The following ANKRD13A variants were observed in gnomAD, a reference collection of about 807,000 sequenced individuals.
ANKRD13A encodes ankyrin repeat domain 13A.
ANKRD13A carries 48 observed loss-of-function variants against 81.3 expected under a neutral mutation model. The observed-to-expected ratio is 0.59, with a 90% CI of 0.47 to 0.75. ANKRD13A has a LOEUF of 0.75. ANKRD13A is among the 30% of genes least tolerant of loss of function. ANKRD13A has a pLI of 0.00. For missense variants in ANKRD13A, 612 were observed against 734.0 expected, an observed-to-expected ratio of 0.83 and a Z score of 1.92; for synonymous variants, 230 against 270.1, an observed-to-expected ratio of 0.85 and a Z score of 1.45.
chr12:110,004,196 A>C (rs1380352147), intron 1 of ANKRD13A, among the ~76,000 whole-genome samples: 1 of 152,146 alleles, frequency 6.6e-6, no homozygotes, highest in Non-Finnish European at 1.5e-5. Flanking sequence ...TTTGAGCAAG[A>C]AAAGTGGATG....
At chr12:110,032,684 T>A (rs1179396793) in intron 12 of ANKRD13A, 2 of 152,222 alleles carry the variant, frequency 1.3e-5, no homozygotes, top group African/African-American at 4.8e-5. Flanking sequence ...AGCAGAAACC[T>A]GGAAACGACC....
At chr12:110,020,493 C>T (rs754866530) in intron 6 of ANKRD13A, among the ~76,000 whole-genome samples, 22 of 152,226 alleles carry the variant, frequency 1.4e-4, no homozygotes, top group Non-Finnish European at 2.8e-4. Flanking sequence ...AGGGCTGCTG[C>T]TAGGGCAGGA....
chr12:110,029,455 C>CT (rs778371129), intron 10 of ANKRD13A, 23 bp from the exon 11 acceptor site: 6 of 1,601,114 alleles, frequency 3.7e-6, no homozygotes, highest in Non-Finnish European at 1.7e-6. Flanking sequence ...TGACCTCAGT[C>CT]TTTTCTTGGT....
chr12:109,999,571 G>A lies in ANKRD13A; in HGVS notation c.-118G>A. The A allele has an allele frequency of 1.3e-6, 1 of 749,724 alleles. No individual in the cohort carries two copies. The highest frequency in any genetic ancestry group is 1.9e-6 in the Non-Finnish European group (1 of 535,778). 46.4% of individuals were successfully genotyped at this position (749,724 alleles called of 1,614,324 possible). On this transcript the variant is annotated 5_prime_UTR_variant, in exon 1 of 15. Transcript: ENST00000261739. The surrounding 1 kb of genome is among the most constrained non-coding windows in gnomAD (Gnocchi z 4.3). The stretch of plus-strand genomic sequence containing the variant: ...CCGACCGGCTCAGCCGGCCGGCAGC[G>A]TAACACGCCCTACGCTCGCTTGCTC...
At chr12:110,012,233 T>G (rs1410280787) in intron 2 of ANKRD13A, 96 bp downstream of exon 2, 1 of 1,391,502 alleles carries the variant, frequency 7.2e-7, no homozygotes, top group African/African-American at 1.4e-5. Flanking sequence ...GGTGCGGTGG[T>G]GCATGTCTGT....
intron 1 of ANKRD13A, among the ~76,000 whole-genome samples, chr12:110,010,703 C>T (rs1008305055): frequency 2.0e-5 from 3 of 152,202 alleles, no homozygotes; most frequent in African/African-American, 7.2e-5. Context: ...ATGTCTTCAA[C>T]CACGTCCCTT....
rs1488166174 is a variant in ANKRD13A at position 110,028,619 on chromosome 12, A to G, written c.1053A>G (p.Lys351=). The G allele has an allele frequency of 6.2e-7, 1 of 1,614,250 alleles. No individual in the cohort carries two copies. The highest frequency in any genetic ancestry group is 8.5e-7 in the Non-Finnish European group (1 of 1,180,048). The stretch of plus-strand genomic sequence containing the variant: ...AAGACAGGGACATTGGAAGGCCGAA[A>G]GAGCTGACGATTAGAACACAGAAGT... ...DLKDRDIGRP[K]ELTIRTQKFK... Residue 351 remains lysine, a synonymous_variant, in exon 10 of 15, where the codon AAA becomes AAG. Transcript: ENST00000261739.
At chr12:110,014,623 C>A (rs1378825819) in intron 3 of ANKRD13A, among the ~76,000 whole-genome samples, 13 of 152,068 alleles carry the variant, frequency 8.5e-5, no homozygotes, top group Admixed American at 8.5e-4. Context: ...GCCTTTCTTA[C>A]CACCTGTTTC....
At position 110,016,713 on chromosome 12, in the gene ANKRD13A, A is replaced by G. The variant is rs61608023; in HGVS notation, c.400+280A>G. Among the ~76,000 whole-genome samples, 1,378 of 152,238 alleles carry G rather than the reference A, an allele frequency of 9.1e-3. 25 individuals are homozygous for G. The highest frequency in any genetic ancestry group is 0.032 in the African/African-American group (1,319 of 41,548). ...ATTTCATTTCCTCCTTTTGTCATTT[A>G]TAGCCGACATCTATATTATTAGTTT... On this transcript the variant is annotated intron_variant, in intron 4 of 14. Transcript: ENST00000261739.
chr12:110,028,418 G>T, intron 9 of ANKRD13A, 94 bp from the exon 10 acceptor site: 4 of 1,468,072 alleles, frequency 2.7e-6, no homozygotes, highest in Non-Finnish European at 3.7e-6. Flanking sequence ...GTCTTTAGCT[G>T]GTTAACACGT....
intron 5 of ANKRD13A, 30 bp from the exon 6 acceptor site, chr12:110,019,109 A>G (rs370743235): frequency 6.5e-7 from 1 of 1,543,588 alleles, no homozygotes; most frequent in African/African-American, 1.4e-5. Context: ...CCTACTTTGC[A>G]CTTAGTTATG....
chr12:110,011,684 G>A (rs1334917123), intron 1 of ANKRD13A, among the ~76,000 whole-genome samples: 2 of 152,168 alleles, frequency 1.3e-5, no homozygotes, highest in Non-Finnish European at 2.9e-5. Context: ...TTTCATGAAA[G>A]CTCCTGGCCT....
chr12:110,005,004 T>A (rs899084091), intron 1 of ANKRD13A, among the ~76,000 whole-genome samples: 2 of 131,978 alleles, frequency 1.5e-5, no homozygotes, highest in Non-Finnish European at 3.0e-5. Flanking sequence ...ATATACAGAT[T>A]GATTTTTTCA....
intron 13 of ANKRD13A, among the ~76,000 whole-genome samples, chr12:110,034,917 G>A (rs929966309): frequency 6.6e-6 from 1 of 152,186 alleles, no homozygotes; most frequent in Non-Finnish European, 1.5e-5. Context: ...GCCCTCACAG[G>A]GCTGCTGCTT....
At position 109,999,772 on chromosome 12, in the gene ANKRD13A, G is replaced by C. The variant is rs1284858671; in HGVS notation, c.84G>C (p.Glu28Asp). 6.5e-7 allele frequency: 1 copy of C among 1,532,794 alleles called. No individual in the cohort carries two copies. Among genetic ancestry groups the C allele is most frequent in the East Asian group, 2.6e-5 (1 of 38,774 alleles). 94.9% of individuals were successfully genotyped at this position (1,532,794 alleles called of 1,614,324 possible). Residue 28 changes from glutamate (E) to aspartate (D), a missense_variant, in exon 1 of 15, where the codon GAG becomes GAC. Coordinates refer to ENST00000261739, the MANE Select transcript of ANKRD13A (RefSeq NM_033121.2). The surrounding 1 kb of genome is among the most constrained non-coding windows in gnomAD (Gnocchi z 4.3). ...ACGACTACCGGCAGCTCGAGAAGGA[G>C]CTGCAGGGCCAGGTGAGGGGCGGGG... ...WKNDYRQLEK[E>D]LQGQNVEAVD...
chr12:110,012,906 G>T (rs748172741), intron 2 of ANKRD13A, among the ~76,000 whole-genome samples: 1 of 152,120 alleles, frequency 6.6e-6, no homozygotes, highest in African/African-American at 2.4e-5. Context: ...AATAGGGGTC[G>T]GGAGAGGTGG....
At position 110,030,652 on chromosome 12, in the gene ANKRD13A, C is replaced by A; in HGVS notation, c.1242C>A (p.Pro414=). The change falls in exon 12 of 15, where the codon CCC becomes CCA. Residue 414 remains proline (P), a synonymous_variant. Coordinates refer to ENST00000261739, the MANE Select transcript of ANKRD13A (RefSeq NM_033121.2). ...PPGFPVKIEI[P]LFHVLNARIT... is the part of the protein sequence containing the mutation. ...TTTTATTTTGTTTGTTAGAAATTCC[C>A]TTGTTTCATGTCTTAAATGCACGGA... The A allele has an allele frequency of 1.3e-6, 2 of 1,588,318 alleles. No individual in the cohort carries two copies. The highest frequency in any genetic ancestry group is 1.2e-5 in the South Asian group (1 of 86,340).
intron 1 of ANKRD13A, among the ~76,000 whole-genome samples, chr12:110,010,146 C>G (rs982007044): frequency 2.6e-5 from 4 of 152,234 alleles, no homozygotes; most frequent in African/African-American, 9.6e-5. Context: ...GGATTACAGG[C>G]ATGAGCCACC....
At position 110,024,069 on chromosome 12, in the gene ANKRD13A, G is replaced by T. The variant is rs1201055621; in HGVS notation, c.758G>T (p.Trp253Leu). 6.2e-7 allele frequency: 1 copy of T among 1,613,170 alleles called. No individual in the cohort carries two copies. Among genetic ancestry groups the T allele is most frequent in the East Asian group, 2.2e-5 (1 of 44,866 alleles). ...AGAACTAAATCCGGATTCTGGGGCTGGAGGACAGATAAAGCAGAAGTTGTT... is the reference window on the plus strand; with the variant it reads ...AGAACTAAATCCGGATTCTGGGGCTTGAGGACAGATAAAGCAGAAGTTGTT... Reference protein sequence around the residue: ...FERTKSGFWGWRTDKAEVVNG... With the variant: ...FERTKSGFWGLRTDKAEVVNG... The change falls in exon 7 of 15, where the codon TGG (tryptophan) becomes TTG (leucine). Residue 253 changes from tryptophan to leucine, a missense_variant. Physicochemically the swap from Trp to Leu is moderately conservative, Grantham distance 61. Transcript: ENST00000261739.
Sources: gnomAD v4.1 joint callset for allele counts (sites outside exome capture counted in the v4.1 genomes callset) on GRCh38, gnomAD v4.1.1 for gene constraint, Gnocchi (gnomAD v3.1) non-coding constraint, MANE v1.5 for transcripts, NCBI Gene and HGNC (gene_info 2026-07-23, HGNC 2026-07-21) for gene names.